ALK: variants seen among roughly 807,000 people sequenced by gnomAD.
The protein encoded by ALK is ALK receptor tyrosine kinase, also known as ALK tyrosine kinase receptor.
Under a neutral mutation model 163.1 loss-of-function variants are expected in ALK, and 74 were observed. The ratio of observed to expected loss-of-function variants is 0.45; its 90% CI spans 0.38 to 0.55. The LOEUF is 0.55. Ranked by LOEUF, ALK falls within the 20% of genes least tolerant of loss-of-function variation. ALK has a pLI of 0.00. For synonymous variants in ALK, 960 were observed against 843.2 expected, an observed-to-expected ratio of 1.14 and a Z score of -2.40; for missense variants, 2,063 against 2,105.3, an observed-to-expected ratio of 0.98 and a Z score of 0.39.
At chr2:29,728,172 A>G (rs753922165) in intron 1 of ALK, among the ~76,000 whole-genome samples, 1 of 152,238 alleles carries the variant, frequency 6.6e-6, no homozygotes. Flanking sequence ...TGCCTATTAC[A>G]CACGGTGCCC....
At chr2:29,737,134 T>A (rs1679914570) in intron 1 of ALK, among the ~76,000 whole-genome samples, 1 of 152,122 alleles carries the variant, frequency 6.6e-6, no homozygotes, top group African/African-American at 2.4e-5. Flanking sequence ...ATATGTTAAT[T>A]TTAAAAGGCA....
intron 2 of ALK, among the ~76,000 whole-genome samples, chr2:29,713,580 T>C (rs1679166847): frequency 6.6e-6 from 1 of 152,180 alleles, no homozygotes; most frequent in Non-Finnish European, 1.5e-5. Flanking sequence ...GAAGTGGGCA[T>C]GCTCTCCAGG....
chr2:29,842,935 T>C (rs926384805), intron 1 of ALK, among the ~76,000 whole-genome samples: 3 of 152,082 alleles, frequency 2.0e-5, no homozygotes, highest in African/African-American at 7.2e-5. Flanking sequence ...GAAGTGGAGG[T>C]TGGAGCAAAT....
intron 8 of ALK, among the ~76,000 whole-genome samples, chr2:29,306,602 G>C (rs954043475): frequency 2.0e-5 from 3 of 152,190 alleles, no homozygotes; most frequent in African/African-American, 7.2e-5. Flanking sequence ...TAGGGAGCTA[G>C]TGAATTTTAA....
rs1060500215 is a variant in ALK, at chr2:29,222,579, C to A, written c.3388G>T (p.Val1130Leu). ...ATTCCGGACACCTGGCCTTCATACA[C>A]CTCCCCAAAGGCGCCATGGCCCAGA... ...RGLGHGAFGE[V>L]YEGQVSGMPN... Residue 1130 changes from valine to leucine, a missense_variant, in exon 21 of 29, where the codon GTG becomes TTG. By Grantham distance (32) the Val-to-Leu change is conservative. Transcript: ENST00000389048. 6.2e-7 allele frequency: 1 copy of A among 1,614,092 alleles called. No individual in the cohort carries two copies. The highest frequency in any genetic ancestry group is 1.7e-4 in the Middle Eastern group (1 of 6,056).
At chr2:29,378,882 T>C (rs1418556106) in intron 5 of ALK, among the ~76,000 whole-genome samples, 2 of 152,094 alleles carry the variant, frequency 1.3e-5, no homozygotes, top group Admixed American at 6.5e-5. Context: ...GGCTACTTTT[T>C]TTGTATTTTC....
chr2:29,538,619 G>T (rs1202790336), intron 3 of ALK, among the ~76,000 whole-genome samples: 1 of 152,142 alleles, frequency 6.6e-6, no homozygotes, highest in Non-Finnish European at 1.5e-5. Context: ...AGTGACACAA[G>T]CATGAACTAA....
chr2:29,909,978 CCA>C (rs1667657777), intron 1 of ALK, among the ~76,000 whole-genome samples: 1 of 116,334 alleles, frequency 8.6e-6, no homozygotes. Context: ...ATGCACCACA[CCA>C]AAAAAAAAAA....
At position 29,768,987 on chromosome 2, in the gene ALK, C is replaced by A. The variant is rs1171510188; in HGVS notation, c.668-51290G>T. On this transcript the variant is annotated intron_variant, in intron 1 of 28. Transcript: ENST00000389048. ...TAGCTGTGACTACAGGTGCACACCA[C>A]CATGCCCAGCTAATTTTTGCATTTT... Among the ~76,000 whole-genome samples the A allele has an allele frequency of 2.0e-5, 3 of 152,056 alleles. No homozygotes were observed. In the East Asian group the frequency reaches 5.8e-4, roughly 29 times the overall value.
rs1306864462 is a variant in ALK at position 29,691,158 on chromosome 2, T to C, written c.952+3692A>G. 2.6e-5 allele frequency among the ~76,000 whole-genome samples: 4 copies of C among 152,186 alleles called. No individual in the cohort carries two copies. In the East Asian group the frequency reaches 7.7e-4, roughly 29 times the overall value. On this transcript the variant is annotated intron_variant, in intron 3 of 28. Coordinates refer to ENST00000389048, the MANE Select transcript of ALK (RefSeq NM_004304.5). ...AAAGGTAGTGTTATAAATAACTGAC[T>C]ACAAAAGTGATGAGAGACGCACTCC... is the stretch of plus-strand genomic sequence containing the variant.
chr2:29,534,446 G>T (rs888503150), intron 3 of ALK, among the ~76,000 whole-genome samples: 1 of 152,162 alleles, frequency 6.6e-6, no homozygotes, highest in African/African-American at 2.4e-5. Flanking sequence ...ACAGAGTCTT[G>T]CTCCAGACTC....
intron 4 of ALK, among the ~76,000 whole-genome samples, chr2:29,472,625 G>GA (rs1305446831): frequency 1.3e-4 from 20 of 151,466 alleles, no homozygotes; most frequent in Admixed American, 1.1e-3. Context: ...GGCACATTTG[G>GA]AAAAAAAATA....
At chr2:29,827,945 C>G (rs1417770476) in intron 1 of ALK, among the ~76,000 whole-genome samples, 4 of 152,300 alleles carry the variant, frequency 2.6e-5, no homozygotes, top group African/African-American at 9.6e-5. Context: ...ACCAAAACAG[C>G]ACGGTACTGG....
chr2:29,789,384 C>T (rs1250507973), intron 1 of ALK, among the ~76,000 whole-genome samples: 1 of 152,176 alleles, frequency 6.6e-6, no homozygotes, highest in Non-Finnish European at 1.5e-5. Flanking sequence ...TCCGGAATGG[C>T]TGAATCAGCC....
At chr2:29,460,374 T>A (rs1453561338) in intron 4 of ALK, among the ~76,000 whole-genome samples, 1 of 152,126 alleles carries the variant, frequency 6.6e-6, no homozygotes, top group Non-Finnish European at 1.5e-5. Flanking sequence ...AGGACATAAG[T>A]CATATACACA....
rs141466298 is a variant in ALK at position 29,853,530 on chromosome 2, T to C, written c.667+66463A>G. 1.4e-3 allele frequency among the ~76,000 whole-genome samples: 215 copies of C among 152,252 alleles called. 1 individual carries two copies. Among genetic ancestry groups the C allele is most frequent in the Middle Eastern group, 0.01 (3 of 294 alleles). On this transcript the variant is annotated intron_variant, in intron 1 of 28. Coordinates refer to ENST00000389048, the MANE Select transcript of ALK (RefSeq NM_004304.5). ...TACCACCCAGTTCCGCCACCTTCAT[T>C]GCTCATCTGGTCTTCTACGGCAGCC...
intron 5 of ALK, among the ~76,000 whole-genome samples, chr2:29,346,079 C>G (rs11127217): frequency 0.33 from 49,716 of 152,076 alleles, 9,330 homozygotes; most frequent in East Asian, 0.67. Flanking sequence ...AAGTAAATTT[C>G]TCTAAAAGAA....
At chr2:29,502,837 G>T (rs1428933839) in intron 4 of ALK, among the ~76,000 whole-genome samples, 2 of 152,208 alleles carry the variant, frequency 1.3e-5, no homozygotes, top group Non-Finnish European at 2.9e-5. Context: ...GTGGAACCAG[G>T]ATTGGTGAGG....
intron 1 of ALK, among the ~76,000 whole-genome samples, chr2:29,839,474 A>G (rs772265437): frequency 1.2e-4 from 19 of 152,178 alleles, no homozygotes; most frequent in Non-Finnish European, 2.5e-4. Context: ...CCAGCAAAGC[A>G]TTAGGATAAT....
Sources: allele counts gnomAD v4.1 joint callset (sites outside exome capture counted in the v4.1 genomes callset), GRCh38; gene constraint gnomAD v4.1.1; transcripts MANE v1.5; gene names NCBI Gene and HGNC (gene_info 2026-07-23, HGNC 2026-07-21).